CCDC174: variants seen among roughly 807,000 people sequenced by gnomAD.
CCDC174 encodes coiled-coil domain containing 174.
In CCDC174, 37 loss-of-function variants were observed where a neutral mutation model predicts 57.1. The ratio of observed to expected loss-of-function variants is 0.65; its 90% CI spans 0.50 to 0.85. The LOEUF (loss-of-function observed/expected upper bound fraction) is 0.85. Ranked by LOEUF, CCDC174 falls within the 40% of genes least tolerant of loss-of-function variation. The probability of loss-of-function intolerance (pLI) is 0.00; values close to 1 mark genes in which losing one functional copy is unlikely to be tolerated. For synonymous variants in CCDC174, 182 were observed against 190.2 expected (o/e 0.96, Z 0.35); for missense variants, 540 against 574.3 (o/e 0.94, Z 0.61).
intron 6 of CCDC174, 63 bp from the exon 7 acceptor site, chr3:14,666,742 G>A (rs928459981): frequency 3.5e-5 from 47 of 1,337,490 alleles, no homozygotes; most frequent in Non-Finnish European, 4.7e-5. Flanking sequence ...GCAACTGACT[G>A]TACTTAAACA....
intron 7 of CCDC174, 85 bp from the exon 8 acceptor site, chr3:14,667,338 CT>C (rs2031374944): frequency 9.9e-7 from 1 of 1,012,172 alleles, no homozygotes; most frequent in African/African-American, 1.6e-5. Context: ...CACTGTGTTT[CT>C]TTTTGCTTTG....
intron 7 of CCDC174, 115 bp from the exon 8 acceptor site, chr3:14,667,309 T>A: frequency 1.2e-6 from 1 of 840,054 alleles, no homozygotes; most frequent in Non-Finnish European, 1.9e-6. Flanking sequence ...TTTTTCTTTT[T>A]AAAACTTGTG....
chr3:14,667,568 T>G lies in CCDC174; in HGVS notation c.819+50T>G, dbSNP rs1296423429. 3 of 1,413,892 alleles carry G rather than the reference T, an allele frequency of 2.1e-6. No homozygotes were observed. In the African/African-American group the frequency reaches 4.2e-5, roughly 20 times the overall value. The allele number at this position is 1,413,892 out of a possible 1,614,324, so 87.6% of individuals were successfully genotyped here. A position where few individuals can be genotyped will look rare whatever the true frequency, so the allele number is the denominator to read the frequency against. On this transcript the variant is annotated intron_variant, in intron 8 of 10. Coordinates refer to ENST00000383794, the MANE Select transcript of CCDC174 (RefSeq NM_016474.5). ...TGAGGAAAGATGTGAGCGCTTGGTTTCTTGCTGGACCATACTGCAGAAAAA... is the reference window on the plus strand; with the variant it reads ...TGAGGAAAGATGTGAGCGCTTGGTTGCTTGCTGGACCATACTGCAGAAAAA...
intron 6 of CCDC174, 139 bp downstream of exon 6, chr3:14,665,262 G>A (rs1180961179): frequency 1.5e-6 from 1 of 680,444 alleles, no homozygotes; most frequent in Non-Finnish European, 2.6e-6. Flanking sequence ...TTGATTGATT[G>A]AAGCACTTTT....
At position 14,671,863 on chromosome 3, in the gene CCDC174, T is replaced by G. The variant is rs2031527104; in HGVS notation, c.*669T>G. ...GAAGGACTGGGACGTACGTGGAGGC[T>G]GCTGGACCTGGTCAGAGACTGATGT... is the stretch of plus-strand genomic sequence containing the variant. On this transcript the variant is annotated 3_prime_UTR_variant, in exon 11 of 11. Transcript: ENST00000383794. The G allele has an allele frequency of 6.6e-6, 1 of 152,540 alleles. No homozygotes were observed. The highest frequency in any genetic ancestry group is 2.4e-5 in the African/African-American group (1 of 41,468). 9.4% of individuals were successfully genotyped at this position (152,540 alleles called of 1,614,324 possible).
chr3:14,666,899 C>G lies in CCDC174; in HGVS notation c.676C>G (p.Leu226Val). Residue 226 changes from leucine (L) to valine (V), a missense_variant, in exon 7 of 11, where the codon CTG becomes GTG. Leu to Val is a conservative substitution (Grantham distance 32, BLOSUM62 1). Coordinates refer to ENST00000383794, the MANE Select transcript of CCDC174 (RefSeq NM_016474.5). Reference protein sequence around the residue: ...QQWEEEEREALKRPMGPVHYE... With the variant: ...QQWEEEEREAVKRPMGPVHYE... ...ATGGGAGGAAGAAGAAAGAGAGGCC[C>G]TGAAGAGGCCCATGGGGCCCGTACA... 1 of 1,606,156 alleles carries G rather than the reference C, an allele frequency of 6.2e-7. No homozygotes were observed. Among genetic ancestry groups the G allele is most frequent in the Non-Finnish European group, 8.5e-7 (1 of 1,177,690 alleles).
chr3:14,666,848 A>G lies in CCDC174; in HGVS notation c.625A>G (p.Met209Val). 2 of 1,601,868 alleles carry G rather than the reference A, an allele frequency of 1.2e-6. No individual in the cohort carries two copies. Residue 209 changes from methionine to valine, a missense_variant, in exon 7 of 11, where the codon ATG (methionine) becomes GTG (valine). Physicochemically the swap from Met to Val is conservative, Grantham distance 21. Transcript: ENST00000383794. ...TGAAAAAACCCTATTATCTGAAGAT[A>G]TGAGAAAAGAACTTCAGCGCCAGCA... ...ANEKTLLSED[M>V]RKELQRQQWE...
At chr3:14,651,926 C>G (rs773679471) in intron 1 of CCDC174, 48 bp downstream of exon 1, 3 of 1,577,796 alleles carry the variant, frequency 1.9e-6, no homozygotes, top group Middle Eastern at 1.7e-4. Context: ...TTCACCGTGT[C>G]TCCATCAGAC....
chr3:14,667,092 A>G, intron 7 of CCDC174, 145 bp downstream of exon 7: 3 of 709,270 alleles, frequency 4.2e-6, no homozygotes, highest in Admixed American at 3.2e-5. Context: ...TCCTTTGTTC[A>G]CTTCATAGCC....
chr3:14,670,045 A>G lies in CCDC174; in HGVS notation c.1064A>G (p.Lys355Arg). 1 of 1,612,366 alleles carries G rather than the reference A, an allele frequency of 6.2e-7. No individual in the cohort carries two copies. Among genetic ancestry groups the G allele is most frequent in the Non-Finnish European group, 8.5e-7 (1 of 1,179,486 alleles). The change falls in exon 10 of 11, where the codon AAG becomes AGG. Residue 355 changes from lysine to arginine, a missense_variant. Lys to Arg is a conservative substitution (Grantham distance 26). Transcript: ENST00000383794. ...ATTGTCCAGGAGAGGAAGGACACCA[A>G]GCCTGGAGTGCCACACATCCGGGAG... ...EVIVQERKDTKPGVPHIREWD... is the reference protein window; with the variant it reads ...EVIVQERKDTRPGVPHIREWD...
intron 10 of CCDC174, 71 bp from the exon 11 acceptor site, chr3:14,670,825 A>T: frequency 7.9e-7 from 1 of 1,259,232 alleles, no homozygotes; most frequent in African/African-American, 1.5e-5. Context: ...TGATACAATT[A>T]GATAATAGTA....
intron 8 of CCDC174, 191 bp from the exon 9 acceptor site, chr3:14,667,858 C>CT: frequency 1.7e-6 from 1 of 595,652 alleles, no homozygotes; most frequent in Non-Finnish European, 2.9e-6. Flanking sequence ...TCTTATGAAA[C>CT]TTTGTAAGAC....
chr3:14,652,742 AAAT>A lies in CCDC174; in HGVS notation c.42+867_42+869del, dbSNP rs575968212. Among the ~76,000 whole-genome samples the A allele has an allele frequency of 2.0e-3, 305 of 152,208 alleles. 5 individuals are homozygous for A. The highest frequency in any genetic ancestry group is 6.2e-3 in the East Asian group (32 of 5,182). The stretch of plus-strand genomic sequence containing the variant: ...CATGGAGAAACCCCGTCTCTACTAA[AAAT>A]AAAAAAATTAGCCGGGCGTGGTGGT... On this transcript the variant is annotated intron_variant, in intron 1 of 10. Transcript: ENST00000383794.
intron 5 of CCDC174, among the ~76,000 whole-genome samples, chr3:14,664,544 C>T (rs2031254772): frequency 6.6e-6 from 1 of 152,084 alleles, no homozygotes; most frequent in Non-Finnish European, 1.5e-5. Context: ...AAATACTGTG[C>T]ATTTCTTACA....
intron 6 of CCDC174, 51 bp from the exon 7 acceptor site, chr3:14,666,754 T>C: frequency 6.9e-7 from 1 of 1,457,520 alleles, no homozygotes; most frequent in South Asian, 1.4e-5. Flanking sequence ...ACTTAAACAC[T>C]GATATCTCAA....
At chr3:14,657,430 A>G (rs2030993601) in intron 3 of CCDC174, among the ~76,000 whole-genome samples, 1 of 152,236 alleles carries the variant, frequency 6.6e-6, no homozygotes, top group African/African-American at 2.4e-5. Context: ...GGTTGCAGGC[A>G]GTGTCCCTGC....
chr3:14,663,808 C>T (rs557413237), intron 5 of CCDC174, among the ~76,000 whole-genome samples: 1 of 152,284 alleles, frequency 6.6e-6, no homozygotes, highest in African/African-American at 2.4e-5. Flanking sequence ...AAGCAATTTG[C>T]TAGTGATTTG....
chr3:14,662,415 CT>C (rs1375099674), intron 5 of CCDC174, among the ~76,000 whole-genome samples: 1 of 128,434 alleles, frequency 7.8e-6, no homozygotes, highest in Non-Finnish European at 1.6e-5. Flanking sequence ...ATTTTGTAAA[CT>C]TTTATTATTG....
rs1248942975 is a variant in CCDC174 at position 14,655,580 on chromosome 3, AAGG to A, written c.201_203del (p.Lys67_Asp68delinsAsn). The A allele has an allele frequency of 6.2e-7, 1 of 1,610,720 alleles. No homozygotes were observed. Among genetic ancestry groups the A allele is most frequent in the Non-Finnish European group, 8.5e-7 (1 of 1,178,178 alleles). Reference sequence around the variant, plus strand: ...TGTAGGCGTTTCAAATCGAGCTGAGAAGGATGCTGAACAGAAGATTGAAGAACA... The same window carrying A: ...TGTAGGCGTTTCAAATCGAGCTGAGAATGCTGAACAGAAGATTGAAGAACA... On this transcript the variant is annotated inframe_deletion, in exon 3 of 11. Coordinates refer to ENST00000383794, the MANE Select transcript of CCDC174 (RefSeq NM_016474.5).
Sources: allele counts gnomAD v4.1 joint callset (sites outside exome capture counted in the v4.1 genomes callset), GRCh38; gene constraint gnomAD v4.1.1; transcripts MANE v1.5; gene names NCBI Gene and HGNC (gene_info 2026-07-23, HGNC 2026-07-21).